Variants in TASP1 observed in about 807,000 individuals in gnomAD.
TASP1 encodes the protein taspase 1, also known as threonine aspartase 1.
A neutral mutation model predicts 56.6 loss-of-function variants in TASP1; 16 were observed. The observed-to-expected ratio is 0.28, with a 90% CI of 0.19 to 0.43. TASP1 has a LOEUF of 0.43. Among genes scored for constraint, TASP1 ranks in the 20% least tolerant of loss-of-function variants. TASP1 has a pLI of 1.00. For missense variants in TASP1, 393 were observed against 511.6 expected (o/e 0.77, Z 2.24); for synonymous variants, 179 against 184.2 (o/e 0.97, Z 0.23).
At chr20:13,382,515 G>A in the TASP1 span, among the ~76,000 whole-genome samples, 1 of 152,084 alleles carries the variant, frequency 6.6e-6, no homozygotes, top group Non-Finnish European at 1.5e-5. Context: ...GTATCATGGT[G>A]TACACCTGTA....
the TASP1 span, among the ~76,000 whole-genome samples, chr20:13,204,528 C>CATATATATATATAT: frequency 3.3e-3 from 482 of 145,276 alleles, 5 homozygotes; most frequent in African/African-American, 0.011. Flanking sequence ...TTTATATATT[C>CATATATATATATAT]ATATATATAT....
At chr20:13,391,967 C>CAAAA (rs36124207) in intron 13 of TASP1, among the ~76,000 whole-genome samples, 25 of 71,770 alleles carry the variant, frequency 3.5e-4, no homozygotes, top group African/African-American at 6.7e-4. Context: ...GACTCCGTCT[C>CAAAA]AAAAAAAAAA....
chr20:13,143,162 G>C, the TASP1 span, among the ~76,000 whole-genome samples: 2 of 152,232 alleles, frequency 1.3e-5, no homozygotes, highest in African/African-American at 4.8e-5. Flanking sequence ...CATGTCTTGG[G>C]CACCAAAAAG....
At chr20:13,610,273 C>T (rs2048306011) in intron 4 of TASP1, among the ~76,000 whole-genome samples, 1 of 152,184 alleles carries the variant, frequency 6.6e-6, no homozygotes. Context: ...AATTTCACTT[C>T]AATTTAAAAA....
At chr20:13,551,183 A>G (rs997942462) in intron 8 of TASP1, among the ~76,000 whole-genome samples, 2 of 152,192 alleles carry the variant, frequency 1.3e-5, no homozygotes, top group Admixed American at 6.5e-5. Context: ...ACAACATTGT[A>G]TGAAAGCACC....
chr20:13,284,717 A>G, the TASP1 span, among the ~76,000 whole-genome samples: 1 of 152,240 alleles, frequency 6.6e-6, no homozygotes, highest in Admixed American at 6.5e-5. Context: ...GAGCTCACAT[A>G]CATACTTCTT....
chr20:13,520,977 A>G (rs1309997861), intron 10 of TASP1, among the ~76,000 whole-genome samples: 6 of 152,220 alleles, frequency 3.9e-5, no homozygotes, highest in Non-Finnish European at 8.8e-5. Flanking sequence ...ATGAACAGAC[A>G]CTTCTCAAAA....
chr20:13,134,878 A>G, the TASP1 span, among the ~76,000 whole-genome samples: 1 of 152,212 alleles, frequency 6.6e-6, no homozygotes, highest in African/African-American at 2.4e-5. Flanking sequence ...TTAAACCAAA[A>G]CATCAACGCT....
the TASP1 span, among the ~76,000 whole-genome samples, chr20:13,378,980 G>A: frequency 6.6e-6 from 1 of 152,244 alleles, no homozygotes; most frequent in East Asian, 1.9e-4. Flanking sequence ...TTGCATGTGA[G>A]ATGGGTCTCC....
At chr20:13,298,047 CT>C in the TASP1 span, among the ~76,000 whole-genome samples, 1 of 151,840 alleles carries the variant, frequency 6.6e-6, no homozygotes, top group African/African-American at 2.4e-5. Flanking sequence ...CCTTTGGGGC[CT>C]TTTCCATCAT....
chr20:13,562,153 C>T (rs1277466225), intron 7 of TASP1, among the ~76,000 whole-genome samples: 3 of 152,056 alleles, frequency 2.0e-5, no homozygotes, highest in Non-Finnish European at 4.4e-5. Flanking sequence ...CTGGAAAATG[C>T]ACAAATTGTG....
intron 8 of TASP1, among the ~76,000 whole-genome samples, chr20:13,546,565 A>G (rs1349889956): frequency 6.8e-6 from 1 of 147,610 alleles, no homozygotes; most frequent in Non-Finnish European, 1.5e-5. Flanking sequence ...CAAAATAAAC[A>G]TGTGCTACAA....
the TASP1 span, among the ~76,000 whole-genome samples, chr20:13,109,008 T>G: frequency 6.6e-6 from 1 of 152,150 alleles, no homozygotes; most frequent in East Asian, 1.9e-4. Flanking sequence ...ACAGTACAAA[T>G]ATAATCAGTC....
At chr20:13,293,584 A>G in the TASP1 span, among the ~76,000 whole-genome samples, 73 of 152,058 alleles carry the variant, frequency 4.8e-4, no homozygotes, top group Admixed American at 4.8e-3. Context: ...GGGGTCAGGT[A>G]ATGGGGTCAG....
intron 11 of TASP1, among the ~76,000 whole-genome samples, chr20:13,435,455 A>G (rs139083227): frequency 6.6e-6 from 1 of 152,310 alleles, no homozygotes; most frequent in African/African-American, 2.4e-5. Context: ...CAAAACACAA[A>G]TACAGGAAAA....
At chr20:13,628,384 T>C (rs926406905) in intron 2 of TASP1, among the ~76,000 whole-genome samples, 5 of 152,166 alleles carry the variant, frequency 3.3e-5, no homozygotes, top group African/African-American at 1.2e-4. Context: ...ATCAACATAG[T>C]GTAGTGGAAA....
At chr20:13,597,452 T>C (rs1241180218) in intron 4 of TASP1, among the ~76,000 whole-genome samples, 1 of 152,220 alleles carries the variant, frequency 6.6e-6, no homozygotes, top group African/African-American at 2.4e-5. Context: ...TCTCAATAGA[T>C]GCAGAAAAGG....
the TASP1 span, among the ~76,000 whole-genome samples, chr20:13,142,486 C>T: frequency 6.6e-6 from 1 of 152,212 alleles, no homozygotes; most frequent in East Asian, 1.9e-4. Flanking sequence ...TTCCTTCCTA[C>T]AGCTGGGGAG....
the TASP1 span, among the ~76,000 whole-genome samples, chr20:13,327,882 G>C: frequency 6.6e-6 from 1 of 152,124 alleles, no homozygotes; most frequent in Non-Finnish European, 1.5e-5. Context: ...ATCCCATTCA[G>C]GACATAGGCA....
Sources: allele counts gnomAD v4.1 joint callset (sites outside exome capture counted in the v4.1 genomes callset), GRCh38; gene constraint gnomAD v4.1.1; transcripts MANE v1.5; gene names NCBI Gene and HGNC (gene_info 2026-07-23, HGNC 2026-07-21).